The following SGCZ variants were observed in gnomAD, a reference collection of about 807,000 sequenced individuals.
SGCZ encodes the protein sarcoglycan zeta.
A neutral mutation model predicts 41.3 loss-of-function variants in SGCZ; 40 were observed. The ratio of observed to expected loss-of-function variants is 0.97; its 90% confidence interval spans 0.75 to 1.26. SGCZ has a LOEUF of 1.26. SGCZ is among the 50% of genes most tolerant of loss of function. SGCZ has a pLI of 0.00. For synonymous variants in SGCZ, 206 were observed against 137.5 expected, an observed-to-expected ratio of 1.50 and a Z score of -3.49; for missense variants, 552 against 369.8, an observed-to-expected ratio of 1.49 and a Z score of -4.04.
chr8:14,939,625 T>C (rs959859558), intron 1 of SGCZ, among the ~76,000 whole-genome samples: 1 of 152,198 alleles, frequency 6.6e-6, no homozygotes, highest in African/African-American at 2.4e-5. Context: ...CATCTCAGAA[T>C]ACTGGACAAC....
intron 1 of SGCZ, among the ~76,000 whole-genome samples, chr8:14,590,571 C>T (rs188148045): frequency 6.7e-6 from 1 of 150,236 alleles, no homozygotes; most frequent in Non-Finnish European, 1.5e-5. Flanking sequence ...GCTTATAATT[C>T]AAATAGTGGA....
At chr8:14,615,225 A>T (rs888741914) in intron 1 of SGCZ, among the ~76,000 whole-genome samples, 1 of 152,228 alleles carries the variant, frequency 6.6e-6, no homozygotes, top group African/African-American at 2.4e-5. Context: ...GAATTCCTAC[A>T]TAACAAACTG....
At chr8:14,556,321 C>G (rs1353988634) in intron 1 of SGCZ, among the ~76,000 whole-genome samples, 2 of 151,156 alleles carry the variant, frequency 1.3e-5, no homozygotes, top group African/African-American at 2.4e-5. Context: ...AAATTATACA[C>G]AAATAAAAAT....
At chr8:14,779,820 C>T (rs904119220) in intron 1 of SGCZ, among the ~76,000 whole-genome samples, 3 of 151,914 alleles carry the variant, frequency 2.0e-5, no homozygotes, top group African/African-American at 7.3e-5. Flanking sequence ...TTGCTTTGAG[C>T]CATGTTTATA....
intron 1 of SGCZ, among the ~76,000 whole-genome samples, chr8:14,617,848 TTATGTG>T (rs1179745966): frequency 1.7e-5 from 1 of 57,452 alleles, no homozygotes; most frequent in Non-Finnish European, 4.2e-5. Flanking sequence ...TTTTGTGTGT[TTATGTG>T]TGTGTGTGTG....
intron 1 of SGCZ, among the ~76,000 whole-genome samples, chr8:14,958,301 T>C (rs1800857163): frequency 6.6e-6 from 1 of 152,082 alleles, no homozygotes; most frequent in Non-Finnish European, 1.5e-5. Context: ...AAATAGTTCA[T>C]AGTAGCTTTA....
chr8:14,958,979 GT>G (rs2130848043), intron 1 of SGCZ, among the ~76,000 whole-genome samples: 1 of 152,134 alleles, frequency 6.6e-6, no homozygotes, highest in East Asian at 1.9e-4. Flanking sequence ...GTTTTCTAAT[GT>G]TTGAACAAAA....
At chr8:14,811,099 G>C (rs1452458778) in intron 1 of SGCZ, among the ~76,000 whole-genome samples, 2 of 151,876 alleles carry the variant, frequency 1.3e-5, no homozygotes, top group Non-Finnish European at 2.9e-5. Flanking sequence ...AAAACTGTCA[G>C]GATTTTCTGT....
intron 1 of SGCZ, among the ~76,000 whole-genome samples, chr8:15,135,035 G>T (rs942134965): frequency 8.5e-5 from 13 of 152,116 alleles, no homozygotes; most frequent in Non-Finnish European, 1.6e-4. Context: ...AGTGATTTGA[G>T]TTCATTTAGG....
intron 1 of SGCZ, among the ~76,000 whole-genome samples, chr8:14,820,871 A>G (rs1047675369): frequency 1.4e-5 from 2 of 147,766 alleles, no homozygotes; most frequent in Non-Finnish European, 3.0e-5. Context: ...CCCTAGATCA[A>G]AAAACAAAAA....
intron 2 of SGCZ, among the ~76,000 whole-genome samples, chr8:14,436,307 T>C (rs1800089876): frequency 6.6e-6 from 1 of 152,210 alleles, no homozygotes; most frequent in Non-Finnish European, 1.5e-5. Context: ...GAGCGAAGAA[T>C]AATATTCAGC....
chr8:14,192,083 T>C (rs1187092558), intron 4 of SGCZ, among the ~76,000 whole-genome samples: 2 of 152,216 alleles, frequency 1.3e-5, no homozygotes, highest in South Asian at 2.1e-4. Context: ...CAATTGTATT[T>C]AAAATCAAAG....
intron 2 of SGCZ, among the ~76,000 whole-genome samples, chr8:14,403,878 T>C (rs1360932027): frequency 6.6e-6 from 1 of 152,124 alleles, no homozygotes; most frequent in African/African-American, 2.4e-5. Context: ...TCTCAGAGCT[T>C]TAAAATAATC....
rs371941243 is a variant in SGCZ at position 14,816,769 on chromosome 8, T to C, written c.40-261843A>G. ...ATATATCCTCCTTTATATATGTTTATAGCCTTAAAAATGAACTAACTTAAT... is the reference window on the plus strand; with the variant it reads ...ATATATCCTCCTTTATATATGTTTACAGCCTTAAAAATGAACTAACTTAAT... On this transcript the variant is annotated intron_variant, in intron 1 of 7. Transcript: ENST00000382080. 9.8e-5 allele frequency among the ~76,000 whole-genome samples: 15 copies of C among 152,344 alleles called. No homozygotes were observed. The East Asian group carries it at 2.9e-3, about 29-fold the overall frequency.
intron 1 of SGCZ, among the ~76,000 whole-genome samples, chr8:15,193,503 G>A (rs925650657): frequency 1.3e-5 from 2 of 152,010 alleles, no homozygotes; most frequent in Non-Finnish European, 2.9e-5. Context: ...GTACTTTGGA[G>A]ATGAAAAATA....
chr8:14,344,524 A>C (rs1203565009), intron 2 of SGCZ, among the ~76,000 whole-genome samples: 1 of 152,114 alleles, frequency 6.6e-6, no homozygotes, highest in African/African-American at 2.4e-5. Context: ...AAAACCTGAA[A>C]GAAATTAACG....
rs1166683562 is a variant in SGCZ, at chr8:14,297,945, G to T, written c.336+26158C>A. ...CTAGATAAAAGTCTTACAATAAAATGAAGTTACAAAACATTCTTACCAAAT... is the reference window on the plus strand; with the variant it reads ...CTAGATAAAAGTCTTACAATAAAATTAAGTTACAAAACATTCTTACCAAAT... On this transcript the variant is annotated intron_variant, in intron 3 of 7. Coordinates refer to ENST00000382080, the MANE Select transcript of SGCZ (RefSeq NM_139167.4). Among the ~76,000 whole-genome samples the T allele has an allele frequency of 2.6e-5, 4 of 151,688 alleles. No homozygotes were observed. The East Asian group carries it at 7.8e-4, about 29-fold the overall frequency.
At chr8:14,156,839 A>T (rs1803891195) in intron 5 of SGCZ, among the ~76,000 whole-genome samples, 1 of 152,174 alleles carries the variant, frequency 6.6e-6, no homozygotes, top group Non-Finnish European at 1.5e-5. Flanking sequence ...TTCAGAGACA[A>T]TAACACAGAT....
chr8:14,342,604 C>T (rs959316241), intron 2 of SGCZ, among the ~76,000 whole-genome samples: 1 of 152,092 alleles, frequency 6.6e-6, no homozygotes. Context: ...CGTGAGCCAC[C>T]GCGCCCAGCC....
Sources: gnomAD v4.1 joint callset for allele counts (sites outside exome capture counted in the v4.1 genomes callset) on GRCh38, gnomAD v4.1.1 for gene constraint, MANE v1.5 for transcripts, NCBI Gene and HGNC (gene_info 2026-07-23, HGNC 2026-07-21) for gene names.